CUX1: variants seen among roughly 807,000 people sequenced by gnomAD.
The protein encoded by CUX1 is cut like homeobox 1.
CUX1 carries 31 observed loss-of-function variants against 158.8 expected under a neutral mutation model. The observed-to-expected ratio is 0.20, with a 90% CI of 0.15 to 0.26. The LOEUF (loss-of-function observed/expected upper bound fraction) is 0.26. Among genes scored for constraint, CUX1 ranks in the 10% least tolerant of loss-of-function variants. The pLI, the probability that CUX1 is intolerant of heterozygous loss-of-function variation, is 1.00. For missense variants in CUX1, 1,589 were observed against 2,014.6 expected (o/e 0.79, Z 4.04); for synonymous variants, 879 against 862.1 (o/e 1.02, Z -0.34).
intron 11 of CUX1, among the ~76,000 whole-genome samples, chr7:102,183,889 T>C (rs549674208): frequency 5.3e-5 from 8 of 152,316 alleles, no homozygotes; most frequent in African/African-American, 1.7e-4. Context: ...TAGTCAGACC[T>C]GCCAGAGGCC....
chr7:102,163,807 AC>A (rs1790717858), intron 9 of CUX1, among the ~76,000 whole-genome samples: 1 of 151,210 alleles, frequency 6.6e-6, no homozygotes, highest in Admixed American at 6.6e-5. Context: ...CCATCAGGAA[AC>A]CCCCCAGGAG....
At position 102,069,385 on chromosome 7, in the gene CUX1, C is replaced by T. The variant is rs180876852; in HGVS notation, c.190-954C>T. Among the ~76,000 whole-genome samples the T allele has an allele frequency of 6.9e-4, 105 of 152,254 alleles. 2 individuals are homozygous for T. Among genetic ancestry groups the T allele is most frequent in the African/African-American group, 2.5e-3 (104 of 41,558 alleles). ...CCTATGCCCCATGGTGTGTTGTAGCCGTGTTGGTGGACTCTTAATCTGGAC... is the reference window on the plus strand; with the variant it reads ...CCTATGCCCCATGGTGTGTTGTAGCTGTGTTGGTGGACTCTTAATCTGGAC... On this transcript the variant is annotated intron_variant, in intron 3 of 23. Transcript: ENST00000292535.
intron 2 of CUX1, among the ~76,000 whole-genome samples, chr7:101,930,954 G>A (rs967785586): frequency 2.0e-5 from 3 of 152,146 alleles, no homozygotes; most frequent in Non-Finnish European, 4.4e-5. Context: ...AAAATTAGCC[G>A]GGTGTGGTGG....
intron 21 of CUX1, 100 bp downstream of exon 21, chr7:102,227,769 A>C: frequency 2.4e-5 from 30 of 1,231,258 alleles, no homozygotes; most frequent in Non-Finnish European, 3.0e-5. Context: ...ACAGAGTCTC[A>C]ACTTGTGTAG....
chr7:101,923,216 C>T (rs1240497348), intron 2 of CUX1, among the ~76,000 whole-genome samples: 2 of 152,294 alleles, frequency 1.3e-5, no homozygotes, highest in Middle Eastern at 6.8e-3. Context: ...CCCCAGTGCT[C>T]CTGCGACATC....
chr7:102,006,860 G>A (rs1339383027), intron 2 of CUX1, among the ~76,000 whole-genome samples: 1 of 152,232 alleles, frequency 6.6e-6, no homozygotes, highest in East Asian at 1.9e-4. Context: ...CTGGGCGTGC[G>A]AGAGGAGCAA....
chr7:102,120,682 G>A lies in CUX1; in HGVS notation c.674+5409G>A, dbSNP rs572811164. Among the ~76,000 whole-genome samples the A allele has an allele frequency of 4.5e-4, 68 of 152,244 alleles. No homozygotes were observed. In the South Asian group the frequency reaches 6.8e-3, roughly 15 times the overall value. On this transcript the variant is annotated intron_variant, in intron 8 of 23. Coordinates refer to ENST00000292535, the MANE Select transcript of CUX1 (RefSeq NM_181552.4). Reference sequence around the variant, plus strand: ...CTCTGAAACAGCAGAAAACTTTCCCGTAGCTAACTCAGCACTGGGGAGCCT... The same window carrying A: ...CTCTGAAACAGCAGAAAACTTTCCCATAGCTAACTCAGCACTGGGGAGCCT...
At chr7:101,865,473 C>G (rs1797848908) in intron 1 of CUX1, among the ~76,000 whole-genome samples, 1 of 152,150 alleles carries the variant, frequency 6.6e-6, no homozygotes, top group Non-Finnish European at 1.5e-5. Flanking sequence ...AAGAAGTGCA[C>G]TGTGTGGAGT....
At chr7:101,891,105 T>C (rs538150098) in intron 1 of CUX1, among the ~76,000 whole-genome samples, 2 of 152,324 alleles carry the variant, frequency 1.3e-5, no homozygotes, top group Non-Finnish European at 2.9e-5. Context: ...CAAAGACGTT[T>C]AACCACTAGA....
At chr7:102,018,747 C>T (rs972520571) in intron 2 of CUX1, among the ~76,000 whole-genome samples, 1 of 152,084 alleles carries the variant, frequency 6.6e-6, no homozygotes, top group Non-Finnish European at 1.5e-5. Flanking sequence ...TGCGTGCGTG[C>T]GTGCGTGCGC....
chr7:101,962,971 A>G (rs1249080930), intron 2 of CUX1, among the ~76,000 whole-genome samples: 2 of 152,080 alleles, frequency 1.3e-5, no homozygotes, highest in Non-Finnish European at 1.5e-5. Flanking sequence ...TCCTCCTCCC[A>G]AAGTGCTGGG....
chr7:101,935,005 A>T (rs1487041326), intron 2 of CUX1, among the ~76,000 whole-genome samples: 1 of 152,042 alleles, frequency 6.6e-6, no homozygotes, highest in African/African-American at 2.4e-5. Flanking sequence ...AGCTGCTGGG[A>T]CAGATCCGAC....
At position 102,082,320 on chromosome 7, in the gene CUX1, A is replaced by G. The variant is rs868993852; in HGVS notation, c.268+11903A>G. The stretch of plus-strand genomic sequence containing the variant: ...GGCAGGCGGATCACCTGAGGTCAGG[A>G]GTTCGAGACCAGCCTGGCCAACATG... On this transcript the variant is annotated intron_variant, in intron 4 of 23. Transcript: ENST00000292535. Among the ~76,000 whole-genome samples the G allele has an allele frequency of 1.4e-5, 2 of 146,682 alleles. 1 individual carries two copies. The highest frequency in any genetic ancestry group is 3.1e-5 in the Non-Finnish European group (2 of 64,902).
intron 16 of CUX1, chr7:102,275,200 G>C (rs1791521418): frequency 6.9e-7 from 1 of 1,447,070 alleles, no homozygotes; most frequent in Admixed American, 2.0e-5. Context: ...CCGCCTGCTG[G>C]GTTCCACCTC....
intron 4 of CUX1, among the ~76,000 whole-genome samples, chr7:102,082,820 G>A (rs573701248): frequency 6.8e-6 from 1 of 147,602 alleles, no homozygotes; most frequent in African/African-American, 2.4e-5. Flanking sequence ...ATATTCCACT[G>A]TGTGGATATA....
exon 15 of CUX1, chr7:102,273,394 C>G (rs782656324): frequency 1.2e-6 from 2 of 1,612,590 alleles, no homozygotes; most frequent in Admixed American, 3.3e-5. Context: ...AAGTCCGTAT[C>G]ACTGAGGCTG....
intron 23 of CUX1, among the ~76,000 whole-genome samples, chr7:102,242,112 A>C (rs1800289828): frequency 6.6e-6 from 1 of 152,182 alleles, no homozygotes; most frequent in East Asian, 1.9e-4. Flanking sequence ...GTAATGAAGC[A>C]GAATGAAGGA....
chr7:101,930,468 C>T (rs1474819586), intron 2 of CUX1, among the ~76,000 whole-genome samples: 1 of 152,100 alleles, frequency 6.6e-6, no homozygotes, highest in African/African-American at 2.4e-5. Flanking sequence ...TTGCTGTCTT[C>T]GTTTTCTTCT....
At position 102,248,774 on chromosome 7, in the gene CUX1, C is replaced by T. The variant is rs1393579492; in HGVS notation, c.4250C>T (p.Pro1417Leu). The stretch of plus-strand genomic sequence containing the variant: ...ACCGCCACCGCCGCGCCCGCGGCCC[C>T]CGAGGACGCCGCTACCTCAGCCGCC... The part of the protein sequence containing the change: ...SATATAAPAA[P>L]EDAATSAAAA... Residue 1417 changes from proline to leucine, a missense_variant, in exon 24 of 24, where the codon CCC becomes CTC. Pro to Leu is a moderately conservative substitution (Grantham distance 98, BLOSUM62 -3). This residue lies in a region of CUX1 where 344 missense variants were observed against 323.7 expected (regional missense o/e 1.06). Coordinates refer to ENST00000292535, the MANE Select transcript of CUX1 (RefSeq NM_181552.4). The surrounding 1 kb of genome is among the most constrained non-coding windows in gnomAD (Gnocchi z 5.8). 3 of 1,044,090 alleles carry T rather than the reference C, an allele frequency of 2.9e-6. No homozygotes were observed. Among genetic ancestry groups the T allele is most frequent in the Non-Finnish European group, 3.5e-6 (3 of 867,368 alleles). 64.7% of individuals were successfully genotyped at this position (1,044,090 alleles called of 1,614,324 possible). A position where few individuals can be genotyped will look rare whatever the true frequency, so the allele number is the denominator to read the frequency against.
Sources: gnomAD v4.1 joint callset for allele counts (sites outside exome capture counted in the v4.1 genomes callset) on GRCh38, gnomAD v4.1.1 for gene constraint, gnomAD v4.1.1 regional missense constraint, Gnocchi (gnomAD v3.1) non-coding constraint, MANE v1.5 for transcripts, NCBI Gene and HGNC (gene_info 2026-07-23, HGNC 2026-07-21) for gene names.